UBE2Q2: variants seen among roughly 807,000 people sequenced by gnomAD.
The protein encoded by UBE2Q2 is ubiquitin conjugating enzyme E2 Q2, also known as ubiquitin-conjugating enzyme E2 Q2.
UBE2Q2 carries 54 observed loss-of-function variants against 59.9 expected under a neutral mutation model. That is an observed-to-expected ratio of 0.90 (90% confidence interval 0.72 to 1.13). The LOEUF is 1.13. UBE2Q2 is among the 50% of genes most tolerant of loss of function. UBE2Q2 has a pLI of 0.00. For missense variants in UBE2Q2, 433 were observed against 441.9 expected (o/e 0.98, Z 0.18); for synonymous variants, 165 against 155.2 (o/e 1.06, Z -0.47).
intron 9 of UBE2Q2, among the ~76,000 whole-genome samples, chr15:75,883,959 T>C (rs538991650): frequency 9.2e-5 from 14 of 152,326 alleles, no homozygotes; most frequent in African/African-American, 3.4e-4. Context: ...GATTAGAGAA[T>C]GGTCCCCACA....
intron 4 of UBE2Q2, among the ~76,000 whole-genome samples, chr15:75,869,274 T>TA (rs1357446970): frequency 3.9e-5 from 6 of 152,242 alleles, no homozygotes; most frequent in African/African-American, 1.4e-4. Context: ...TTATGTTTAA[T>TA]ACTAATCAGT....
intron 2 of UBE2Q2, 104 bp from the exon 3 acceptor site, chr15:75,859,774 A>G: frequency 2.7e-6 from 2 of 750,962 alleles, no homozygotes; most frequent in Non-Finnish European, 4.1e-6. Flanking sequence ...AGCAGTAACA[A>G]ACTTTTTCAT....
intron 7 of UBE2Q2, 167 bp downstream of exon 7, chr15:75,878,188 G>A: frequency 1.8e-6 from 1 of 552,238 alleles, no homozygotes; most frequent in South Asian, 3.1e-5. Flanking sequence ...TGTTGCTGAG[G>A]TCTAATAAGA....
chr15:75,890,305 C>G (rs1899023984), intron 9 of UBE2Q2, 130 bp from the exon 10 acceptor site: 1 of 657,594 alleles, frequency 1.5e-6, no homozygotes, highest in South Asian at 2.1e-5. Context: ...TCCCTAACAA[C>G]TGTTGTCATG....
At chr15:75,878,897 TTGGAC>T (rs1175742165) in intron 7 of UBE2Q2, among the ~76,000 whole-genome samples, 196 bp from the exon 8 acceptor site, 2 of 152,176 alleles carry the variant, frequency 1.3e-5, no homozygotes, top group African/African-American at 4.8e-5. Flanking sequence ...ATGGTCTCTT[TTGGAC>T]ATTTATTCCC....
chr15:75,851,470 A>G (rs144919723), intron 1 of UBE2Q2, among the ~76,000 whole-genome samples: 18 of 152,218 alleles, frequency 1.2e-4, no homozygotes, highest in South Asian at 1.0e-3. Flanking sequence ...ACATTCATCA[A>G]TATTGCCATC....
chr15:75,890,253 G>A (rs1197608240), intron 9 of UBE2Q2, among the ~76,000 whole-genome samples, 182 bp from the exon 10 acceptor site: 1 of 152,176 alleles, frequency 6.6e-6, no homozygotes, highest in Non-Finnish European at 1.5e-5. Flanking sequence ...GATTACATTA[G>A]CATGATAACA....
At chr15:75,899,402 C>CTTTTTT in intron 12 of UBE2Q2, 25 bp from the exon 13 acceptor site, 1 of 1,226,858 alleles carries the variant, frequency 8.2e-7, no homozygotes, top group Non-Finnish European at 1.1e-6. Context: ...ATTATTTTAA[C>CTTTTTT]TTTTTTTTTT....
At chr15:75,892,994 T>A (rs1162999435) in intron 11 of UBE2Q2, among the ~76,000 whole-genome samples, 1 of 152,116 alleles carries the variant, frequency 6.6e-6, no homozygotes, top group African/African-American at 2.4e-5. Flanking sequence ...TGAGGATAGA[T>A]GATAGGGCAG....
chr15:75,875,008 ATT>A (rs1056295812), intron 5 of UBE2Q2, among the ~76,000 whole-genome samples: 1 of 152,216 alleles, frequency 6.6e-6, no homozygotes, highest in Non-Finnish European at 1.5e-5. Flanking sequence ...GAGCAAAGAA[ATT>A]TAGTCAAGCC....
chr15:75,880,748 C>G (rs567891120), intron 8 of UBE2Q2, among the ~76,000 whole-genome samples: 5 of 152,140 alleles, frequency 3.3e-5, no homozygotes, highest in Non-Finnish European at 5.9e-5. Flanking sequence ...GTACACTTCC[C>G]TTGGCCTTCC....
At chr15:75,883,889 A>G (rs2141650598) in intron 9 of UBE2Q2, among the ~76,000 whole-genome samples, 1 of 152,228 alleles carries the variant, frequency 6.6e-6, no homozygotes, top group South Asian at 2.1e-4. Context: ...CATACTTTTT[A>G]CCATAAAAAA....
chr15:75,848,334 G>A (rs1468074779), intron 1 of UBE2Q2, among the ~76,000 whole-genome samples: 1 of 152,200 alleles, frequency 6.6e-6, no homozygotes, highest in Non-Finnish European at 1.5e-5. Context: ...TCCAGTCAAA[G>A]TTGTACAAAG....
chr15:75,897,866 G>C (rs1229928029), intron 12 of UBE2Q2, among the ~76,000 whole-genome samples: 2 of 152,080 alleles, frequency 1.3e-5, no homozygotes, highest in Admixed American at 6.6e-5. Context: ...AAATGTGTCA[G>C]TTTGTGACTT....
rs76030018 is a variant in UBE2Q2 at position 75,854,459 on chromosome 15, G to A, written c.254G>A (p.Arg85His). ...CCAAATCTGACATCAGTTCTGGAAC[G>A]TCTAGAAGATACTAAGAACAACAAT... ...EDPNLTSVLE[R>H]LEDTKNNNLL... is the part of the protein sequence containing the mutation. Residue 85 changes from arginine to histidine, a missense_variant, in exon 2 of 13, where the codon CGT becomes CAT. Arg to His is a conservative substitution (Grantham distance 29, BLOSUM62 0). Coordinates refer to ENST00000267938, the MANE Select transcript of UBE2Q2 (RefSeq NM_173469.4). 69 of 1,611,948 alleles carry A rather than the reference G, an allele frequency of 4.3e-5. 1 individual carries two copies. In the African/African-American group the frequency reaches 7.2e-4, roughly 17 times the overall value.
intron 2 of UBE2Q2, among the ~76,000 whole-genome samples, chr15:75,859,059 G>C (rs1431007662): frequency 6.6e-6 from 1 of 152,146 alleles, no homozygotes; most frequent in Non-Finnish European, 1.5e-5. Context: ...TGCCTTATTA[G>C]ATCCCATTTG....
rs1177827175 is a variant in UBE2Q2, at chr15:75,851,135, CT to C, written c.181-3237del. Reference sequence around the variant, plus strand: ...ATTTTAGATAATCCTGGATATTCTTCTTTTTTTTTTTTTTGAGATGGGGGTT... The same window carrying C: ...ATTTTAGATAATCCTGGATATTCTTCTTTTTTTTTTTTTGAGATGGGGGTT... On this transcript the variant is annotated intron_variant, in intron 1 of 12. Coordinates refer to ENST00000267938, the MANE Select transcript of UBE2Q2 (RefSeq NM_173469.4). Among the ~76,000 whole-genome samples, 519 of 140,320 alleles carry C rather than the reference CT, an allele frequency of 3.7e-3. 1 individual carries two copies. The highest frequency in any genetic ancestry group is 5.1e-3 in the African/African-American group (195 of 38,586). 92.1% of individuals were successfully genotyped at this position (140,320 alleles called of 152,430 possible).
At chr15:75,870,928 GAC>G (rs1259707034) in intron 4 of UBE2Q2, among the ~76,000 whole-genome samples, 2 of 152,160 alleles carry the variant, frequency 1.3e-5, no homozygotes, top group African/African-American at 2.4e-5. Flanking sequence ...AAAAGAAAAA[GAC>G]ACAGAGACAA....
chr15:75,882,980 A>G (rs990933641), intron 8 of UBE2Q2, among the ~76,000 whole-genome samples: 5 of 152,158 alleles, frequency 3.3e-5, no homozygotes, highest in East Asian at 1.9e-4. Context: ...CCTAAGGGGG[A>G]AAAAAAGATC....
Sources: allele counts gnomAD v4.1 joint callset (sites outside exome capture counted in the v4.1 genomes callset), GRCh38; gene constraint gnomAD v4.1.1; transcripts MANE v1.5; gene names NCBI Gene and HGNC (gene_info 2026-07-23, HGNC 2026-07-21).